CSMD1: variants seen among roughly 807,000 people sequenced by gnomAD.
CSMD1 encodes CUB and Sushi multiple domains 1.
CSMD1 carries 213 observed loss-of-function variants against 417.5 expected under a neutral mutation model. The ratio of observed to expected loss-of-function variants is 0.51; its 90% CI spans 0.46 to 0.57. The LOEUF is 0.57. CSMD1 is among the 20% of genes least tolerant of loss of function. The probability of loss-of-function intolerance (pLI) is 0.00; values close to 1 mark genes in which losing one functional copy is unlikely to be tolerated. For missense variants in CSMD1, 6,923 were observed against 4,529.7 expected, an observed-to-expected ratio of 1.53 and a Z score of -15.17; for synonymous variants, 2,862 against 1,736.8, an observed-to-expected ratio of 1.65 and a Z score of -16.11.
In CSMD1 at chr8:4,052,314, T is replaced by C. The variant is rs192108213; in HGVS notation, c.416-20215A>G. Among the ~76,000 whole-genome samples the C allele has an allele frequency of 1.1e-3, 170 of 152,312 alleles. 2 individuals are homozygous for C. The highest frequency in any genetic ancestry group is 4.0e-3 in the African/African-American group (168 of 41,584). On this transcript the variant is annotated intron_variant, in intron 3 of 69. Coordinates refer to ENST00000635120, the MANE Select transcript of CSMD1 (RefSeq NM_033225.6). Reference sequence around the variant, plus strand: ...ATTAGAGAAGAACGCTGACATTTAATGCGTAATTATCATATGCACAAGGAG... The same window carrying C: ...ATTAGAGAAGAACGCTGACATTTAACGCGTAATTATCATATGCACAAGGAG...
intron 5 of CSMD1, among the ~76,000 whole-genome samples, chr8:3,954,062 G>A (rs572720719): frequency 8.5e-5 from 13 of 152,270 alleles, no homozygotes; most frequent in Admixed American, 2.6e-4. Context: ...TCCTGTCCCC[G>A]GGACCCCGCC....
intron 50 of CSMD1, among the ~76,000 whole-genome samples, chr8:3,046,504 G>C (rs1306156401): frequency 6.6e-6 from 1 of 152,082 alleles, no homozygotes; most frequent in East Asian, 1.9e-4. Flanking sequence ...CTCAAATCAT[G>C]TCTCCTGATC....
chr8:3,286,028 C>T (rs1249225646), intron 25 of CSMD1, among the ~76,000 whole-genome samples: 7 of 152,020 alleles, frequency 4.6e-5, no homozygotes, highest in Non-Finnish European at 1.0e-4. Flanking sequence ...TTCCTGTGTC[C>T]ATGTGTTCTC....
At position 4,266,899 on chromosome 8, in the gene CSMD1, A is replaced by G. The variant is rs1482719425; in HGVS notation, c.415+153054T>C. Among the ~76,000 whole-genome samples, 2 of 104,608 alleles carry G rather than the reference A, an allele frequency of 1.9e-5. 1 individual carries two copies. The highest frequency in any genetic ancestry group is 5.2e-5 in the Non-Finnish European group (2 of 38,798). 68.6% of individuals were successfully genotyped at this position (104,608 alleles called of 152,430 possible). ...TTCAACGTGTTAAGATGGAAGAAGAAACAAACTGATTAATAAAAACCAAAT... is the reference window on the plus strand; with the variant it reads ...TTCAACGTGTTAAGATGGAAGAAGAGACAAACTGATTAATAAAAACCAAAT... On this transcript the variant is annotated intron_variant, in intron 3 of 69. Transcript: ENST00000635120.
In CSMD1 at chr8:3,873,094, C is replaced by T. The variant is rs781351015; in HGVS notation, c.819-119052G>A. 2.0e-5 allele frequency among the ~76,000 whole-genome samples: 3 copies of T among 152,154 alleles called. No individual in the cohort carries two copies. The South Asian group carries it at 6.2e-4, about 32-fold the overall frequency. Reference sequence around the variant, plus strand: ...TTGCAGATAAAATGGAACATGTATACACTCTTGGTGGGAGTGTAAATTAGT... The same window carrying T: ...TTGCAGATAAAATGGAACATGTATATACTCTTGGTGGGAGTGTAAATTAGT... On this transcript the variant is annotated intron_variant, in intron 5 of 69. Coordinates refer to ENST00000635120, the MANE Select transcript of CSMD1 (RefSeq NM_033225.6).
At position 3,201,624 on chromosome 8, in the gene CSMD1, C is replaced by A; in HGVS notation, c.5086G>T (p.Gly1696Trp). ...CTTTAAGACTTACCTGAGTGAGACC[C>A]CGAGAGTGAGCTGAGAAGTCTGGCC... Reference protein sequence around the residue: ...AQARLLSSLSGSHSGETLPLA... With the variant: ...AQARLLSSLSWSHSGETLPLA... Residue 1696 changes from glycine (G) to tryptophan (W), a missense_variant, in exon 32 of 70, where the codon GGG becomes TGG. Physicochemically the swap from Gly to Trp is radical, Grantham distance 184 (BLOSUM62 -2). Transcript: ENST00000635120. The A allele has an allele frequency of 1.9e-6, 3 of 1,599,082 alleles. No individual in the cohort carries two copies. Among genetic ancestry groups the A allele is most frequent in the Non-Finnish European group, 2.6e-6 (3 of 1,171,844 alleles).
chr8:4,278,704 A>T (rs894265125), intron 3 of CSMD1, among the ~76,000 whole-genome samples: 2 of 152,188 alleles, frequency 1.3e-5, no homozygotes, highest in Non-Finnish European at 2.9e-5. Flanking sequence ...TGGCTAACAA[A>T]ACCAGCTTGT....
At chr8:4,607,652 G>A (rs1261627031) in intron 2 of CSMD1, among the ~76,000 whole-genome samples, 2 of 152,094 alleles carry the variant, frequency 1.3e-5, no homozygotes, top group African/African-American at 4.8e-5. Flanking sequence ...AAAAATGGAT[G>A]GCACTACACT....
chr8:4,765,610 A>G (rs1286026660), intron 1 of CSMD1, among the ~76,000 whole-genome samples: 1 of 152,220 alleles, frequency 6.6e-6, no homozygotes, highest in African/African-American at 2.4e-5. Flanking sequence ...GCAGCTGAGA[A>G]AAAATTGGAT....
intron 3 of CSMD1, among the ~76,000 whole-genome samples, chr8:4,304,484 T>C (rs369295375): frequency 4.7e-4 from 71 of 152,272 alleles, no homozygotes; most frequent in African/African-American, 1.6e-3. Flanking sequence ...CAGAGTCCCA[T>C]CCTGACACAA....
At chr8:4,354,372 G>A (rs1184926131) in intron 3 of CSMD1, among the ~76,000 whole-genome samples, 1 of 152,106 alleles carries the variant, frequency 6.6e-6, no homozygotes, top group African/African-American at 2.4e-5. Context: ...TCACAAACCT[G>A]GTCATTTCGT....
At chr8:3,211,246 T>G (rs1235560106) in intron 30 of CSMD1, among the ~76,000 whole-genome samples, 1 of 152,154 alleles carries the variant, frequency 6.6e-6, no homozygotes, top group Non-Finnish European at 1.5e-5. Flanking sequence ...GGTCTTGCTA[T>G]GTTGTCCAGA....
intron 3 of CSMD1, among the ~76,000 whole-genome samples, chr8:4,040,853 A>T (rs78369105): frequency 2.0e-5 from 3 of 152,144 alleles, no homozygotes; most frequent in African/African-American, 7.2e-5. Flanking sequence ...TCGAAAAAAT[A>T]AAAATGCTGT....
chr8:3,774,268 T>A (rs916731106), intron 5 of CSMD1, among the ~76,000 whole-genome samples: 3 of 152,170 alleles, frequency 2.0e-5, no homozygotes, highest in African/African-American at 7.2e-5. Flanking sequence ...TACAGATTGC[T>A]GCAATCAGAA....
chr8:3,799,621 T>C (rs1335710155), intron 5 of CSMD1, among the ~76,000 whole-genome samples: 1 of 151,948 alleles, frequency 6.6e-6, no homozygotes, highest in Non-Finnish European at 1.5e-5. Flanking sequence ...AAGACCCCAT[T>C]TGGCTTGTAC....
intron 3 of CSMD1, among the ~76,000 whole-genome samples, chr8:4,181,957 C>CGTGTGTGTGTGTGT (rs146690880): frequency 1.3e-5 from 2 of 150,022 alleles, no homozygotes; most frequent in Non-Finnish European, 3.0e-5. Flanking sequence ...TCTGTGTCTG[C>CGTGTGTGTGTGTGT]GTGTGTGTGT....
chr8:4,095,900 C>T (rs1800981920), intron 3 of CSMD1, among the ~76,000 whole-genome samples: 1 of 152,118 alleles, frequency 6.6e-6, no homozygotes, highest in African/African-American at 2.4e-5. Flanking sequence ...AAACTTTATA[C>T]ACACATTTTT....
At position 2,963,290 on chromosome 8, in the gene CSMD1, A is replaced by T. The variant is rs200533580; in HGVS notation, c.9386T>A (p.Leu3129His). 1 of 1,613,812 alleles carries T rather than the reference A, an allele frequency of 6.2e-7. No individual in the cohort carries two copies. Among genetic ancestry groups the T allele is most frequent in the Non-Finnish European group, 8.5e-7 (1 of 1,179,882 alleles). The change falls in exon 60 of 70, where the codon CTC (leucine) becomes CAC (histidine). Residue 3129 changes from leucine to histidine, a missense_variant. Coordinates refer to ENST00000635120, the MANE Select transcript of CSMD1 (RefSeq NM_033225.6). The stretch of plus-strand genomic sequence containing the variant: ...ACAGGAGAGGATGGCGGAGTGAGAG[A>T]GCTGGTAACCGTCCATGCAGCTGTA... ...ISYSCMDGYQ[L>H]SHSAILSCEG...
At chr8:3,367,883 G>T (rs1809701842) in intron 19 of CSMD1, among the ~76,000 whole-genome samples, 1 of 152,256 alleles carries the variant, frequency 6.6e-6, no homozygotes, top group South Asian at 2.1e-4. Flanking sequence ...GACAGTATTT[G>T]TCCCAGAGGG....
Sources: gnomAD v4.1 joint callset for allele counts (sites outside exome capture counted in the v4.1 genomes callset) on GRCh38, gnomAD v4.1.1 for gene constraint, MANE v1.5 for transcripts, NCBI Gene and HGNC (gene_info 2026-07-23, HGNC 2026-07-21) for gene names.